The following SLC9C1 variants were observed in gnomAD, a reference collection of about 807,000 sequenced individuals.
The protein encoded by SLC9C1 is sodium/hydrogen exchanger 10.
Under a neutral mutation model 140.9 loss-of-function variants are expected in SLC9C1, and 97 were observed. The ratio of observed to expected loss-of-function variants is 0.69; its 90% CI spans 0.58 to 0.82. SLC9C1 has a LOEUF of 0.82. Ranked by LOEUF, SLC9C1 falls within the 40% of genes least tolerant of loss-of-function variation. The pLI is 0.00. For synonymous variants in SLC9C1, 440 were observed against 442.6 expected, an observed-to-expected ratio of 0.99 and a Z score of 0.07; for missense variants, 1,340 against 1,389.3, an observed-to-expected ratio of 0.96 and a Z score of 0.56.
chr3:112,226,235 A>G (rs1450719358), intron 13 of SLC9C1, among the ~76,000 whole-genome samples: 1 of 152,196 alleles, frequency 6.6e-6, no homozygotes, highest in Non-Finnish European at 1.5e-5. Context: ...CAGTAACAAG[A>G]AGAACATTGG....
chr3:112,223,773 T>C (rs1426692863), intron 13 of SLC9C1, among the ~76,000 whole-genome samples: 2 of 152,172 alleles, frequency 1.3e-5, no homozygotes, highest in African/African-American at 4.8e-5. Flanking sequence ...ATTGAGTGAA[T>C]ATTATTTGAG....
At chr3:112,176,552 C>G (rs1236723717) in intron 23 of SLC9C1, among the ~76,000 whole-genome samples, 2 of 152,168 alleles carry the variant, frequency 1.3e-5, no homozygotes, top group Non-Finnish European at 2.9e-5. Context: ...TTACTCCTCA[C>G]CTTTTATACT....
At chr3:112,210,826 C>T (rs1246054673) in intron 15 of SLC9C1, among the ~76,000 whole-genome samples, 1 of 152,074 alleles carries the variant, frequency 6.6e-6, no homozygotes, top group East Asian at 1.9e-4. Flanking sequence ...CTACCACCCA[C>T]TTCAAAGCTT....
intron 12 of SLC9C1, among the ~76,000 whole-genome samples, chr3:112,236,989 T>G (rs2079004849): frequency 6.6e-6 from 1 of 152,234 alleles, no homozygotes; most frequent in Non-Finnish European, 1.5e-5. Context: ...GTCCGCTTGG[T>G]GCAGAGCTGA....
chr3:112,217,365 G>C, intron 15 of SLC9C1, 77 bp downstream of exon 15: 1 of 1,482,922 alleles, frequency 6.7e-7, no homozygotes, highest in Non-Finnish European at 8.9e-7. Flanking sequence ...AAAAATTCAA[G>C]ATACCATTTT....
chr3:112,208,764 G>A (rs1229842302), intron 15 of SLC9C1, among the ~76,000 whole-genome samples: 4 of 152,058 alleles, frequency 2.6e-5, no homozygotes, highest in Middle Eastern at 6.8e-3. Context: ...TTTGAATATT[G>A]TTCCAACTTT....
At chr3:112,248,894 A>C (rs1011065129) in intron 10 of SLC9C1, among the ~76,000 whole-genome samples, 1 of 152,204 alleles carries the variant, frequency 6.6e-6, no homozygotes, top group African/African-American at 2.4e-5. Context: ...TCTTCTGCAC[A>C]CAAAGATAGT....
At chr3:112,151,516 A>G in intron 28 of SLC9C1, 1 of 522,152 alleles carries the variant, frequency 1.9e-6, no homozygotes, top group South Asian at 1.4e-5. Flanking sequence ...TGAGAAGTGA[A>G]GTCATAACTT....
chr3:112,169,139 T>A (rs1187860013), intron 24 of SLC9C1, 58 bp downstream of exon 24: 1 of 1,585,032 alleles, frequency 6.3e-7, no homozygotes, highest in Non-Finnish European at 8.6e-7. Flanking sequence ...TCAATTATAA[T>A]GTTTTAATGC....
intron 18 of SLC9C1, 113 bp from the exon 19 acceptor site, chr3:112,200,875 G>A (rs759496861): frequency 1.1e-6 from 1 of 926,576 alleles, no homozygotes; most frequent in African/African-American, 1.7e-5. Context: ...AGAGAAGTAG[G>A]ATGAAGAGGT....
chr3:112,163,001 AGAGTGTAT>A (rs1278186801), intron 26 of SLC9C1, among the ~76,000 whole-genome samples: 3 of 118,604 alleles, frequency 2.5e-5, no homozygotes, highest in Non-Finnish European at 5.2e-5. Context: ...TAGTCTTGGG[AGAGTGTAT>A]GTGTCGAGGA....
Position 112,280,698 on chromosome 3 carries a change from G to C in SLC9C1, c.174C>G (p.Ser58Arg), listed in dbSNP as rs2080334247. Residue 58 changes from serine (S) to arginine (R), a missense_variant, in exon 3 of 29, where the codon AGC becomes AGG. Transcript: ENST00000305815. ...CAATACACACCTGTGAAGATGTAAA[G>C]CTTAATACTTCAAAACTGCATCCAA... ...FLLGCSFEVL[S>R]FTSSQVQRYA... is the part of the protein sequence containing the mutation. 3.1e-6 allele frequency: 5 copies of C among 1,610,058 alleles called. No individual in the cohort carries two copies. Among genetic ancestry groups the C allele is most frequent in the Non-Finnish European group, 4.2e-6 (5 of 1,178,638 alleles).
Position 112,266,222 on chromosome 3 carries a change from T to G in SLC9C1, c.878+16A>C, listed in dbSNP as rs1341103016. The stretch of plus-strand genomic sequence containing the variant: ...TCCAGTGTATGAAATAAAGTCAAAA[T>G]ATGCTATCCACTTACTCAAGAAGAA... On this transcript the variant is annotated intron_variant, in intron 8 of 28. Transcript: ENST00000305815. 1.3e-6 allele frequency: 2 copies of G among 1,534,114 alleles called. No homozygotes were observed. The highest frequency in any genetic ancestry group is 1.8e-6 in the Non-Finnish European group (2 of 1,112,592).
chr3:112,290,807 T>C (rs1478045187), intron 1 of SLC9C1, among the ~76,000 whole-genome samples: 1 of 89,416 alleles, frequency 1.1e-5, no homozygotes, highest in African/African-American at 4.5e-5. Context: ...ATTACCTTCT[T>C]TTCCTTCTTT....
intron 4 of SLC9C1, 64 bp from the exon 5 acceptor site, chr3:112,277,924 T>A: frequency 7.3e-7 from 1 of 1,368,220 alleles, no homozygotes; most frequent in Non-Finnish European, 1.0e-6. Context: ...AAGAAGAAAA[T>A]AATCAGGATT....
At chr3:112,244,322 T>TA (rs1379511281) in intron 10 of SLC9C1, among the ~76,000 whole-genome samples, 5 of 152,316 alleles carry the variant, frequency 3.3e-5, no homozygotes, top group African/African-American at 1.2e-4. Flanking sequence ...TTTTGACAAG[T>TA]AAATCAATAC....
At chr3:112,190,076 T>C (rs2077622063) in intron 20 of SLC9C1, among the ~76,000 whole-genome samples, 2 of 152,202 alleles carry the variant, frequency 1.3e-5, no homozygotes, top group Non-Finnish European at 2.9e-5. Context: ...TTTTTGCACA[T>C]TGGTTTTGTA....
chr3:112,244,368 A>T (rs2079220806), intron 10 of SLC9C1, among the ~76,000 whole-genome samples: 2 of 152,208 alleles, frequency 1.3e-5, no homozygotes, highest in Non-Finnish European at 2.9e-5. Flanking sequence ...TTATCTTTGA[A>T]TTCCACTGTT....
chr3:112,226,326 T>C lies in SLC9C1; in HGVS notation c.1572+5035A>G, dbSNP rs140822098. 1.0e-3 allele frequency among the ~76,000 whole-genome samples: 153 copies of C among 152,192 alleles called. 3 individuals are homozygous for C. The East Asian group carries it at 0.013, about 13-fold the overall frequency. On this transcript the variant is annotated intron_variant, in intron 13 of 28. Coordinates refer to ENST00000305815, the MANE Select transcript of SLC9C1 (RefSeq NM_183061.3). ...AAAAAAAATTAAGAAGGTAATTCTT[T>C]ATTTTGAAACAAAAGTAGAAACACA...
Sources: allele counts gnomAD v4.1 joint callset (sites outside exome capture counted in the v4.1 genomes callset), GRCh38; gene constraint gnomAD v4.1.1; transcripts MANE v1.5; gene names NCBI Gene and HGNC (gene_info 2026-07-23, HGNC 2026-07-21).